AFF3: variants seen among roughly 807,000 people sequenced by gnomAD.
The protein encoded by AFF3 is AF4/FMR2 family member 3.
Under a neutral mutation model 129.7 loss-of-function variants are expected in AFF3, and 32 were observed. The ratio of observed to expected loss-of-function variants is 0.25; its 90% CI spans 0.19 to 0.33. AFF3 has a LOEUF of 0.33. Among genes scored for constraint, AFF3 ranks in the 10% least tolerant of loss-of-function variants. The probability of loss-of-function intolerance (pLI) is 1.00; values close to 1 mark genes in which losing one functional copy is unlikely to be tolerated. For synonymous variants in AFF3, 644 were observed against 635.4 expected, an observed-to-expected ratio of 1.01 and a Z score of -0.20; for missense variants, 1,373 against 1,592.0, an observed-to-expected ratio of 0.86 and a Z score of 2.34.
chr2:99,997,486 A>C (rs76278180), intron 7 of AFF3, among the ~76,000 whole-genome samples: 7 of 128,826 alleles, frequency 5.4e-5, no homozygotes, highest in Admixed American at 8.3e-5. Flanking sequence ...CCCCCCCCCC[A>C]GATTAGCACA....
intron 7 of AFF3, among the ~76,000 whole-genome samples, chr2:99,868,017 CTTT>C (rs397779127): frequency 6.9e-6 from 1 of 144,054 alleles, no homozygotes. Flanking sequence ...TCTTTCTTTC[CTTT>C]TTTTTTTTTT....
At chr2:99,824,412 G>A (rs556582006) in intron 8 of AFF3, among the ~76,000 whole-genome samples, 1 of 152,118 alleles carries the variant, frequency 6.6e-6, no homozygotes. Context: ...ACAGCACCCA[G>A]CCCAAAATCC....
chr2:99,551,645 T>C (rs987538624), intron 24 of AFF3, 50 bp from the exon 25 acceptor site: 1 of 1,608,440 alleles, frequency 6.2e-7, no homozygotes. Flanking sequence ...CTAGGTGTGC[T>C]ATCCTGAGCA....
chr2:99,619,668 A>T (rs748075271), intron 13 of AFF3, among the ~76,000 whole-genome samples: 4 of 152,154 alleles, frequency 2.6e-5, no homozygotes, highest in Non-Finnish European at 5.9e-5. Flanking sequence ...CTTACCAAGG[A>T]CTTGGGCTCT....
chr2:99,831,288 A>G (rs890721390), intron 8 of AFF3, among the ~76,000 whole-genome samples: 1 of 152,248 alleles, frequency 6.6e-6, no homozygotes, highest in African/African-American at 2.4e-5. Context: ...AATAACTATA[A>G]AAGTAATCTT....
intron 13 of AFF3, among the ~76,000 whole-genome samples, chr2:99,609,764 G>A (rs1043181308): frequency 4.6e-5 from 7 of 152,264 alleles, no homozygotes; most frequent in Admixed American, 4.6e-4. Flanking sequence ...TAAATCTTAT[G>A]TAACTACAGT....
rs566738685 is a variant in AFF3, at chr2:99,878,286, T to C, written c.874-40762A>G. Among the ~76,000 whole-genome samples the C allele has an allele frequency of 1.7e-4, 26 of 152,292 alleles. No individual in the cohort carries two copies. In the South Asian group the frequency reaches 4.6e-3, roughly 27 times the overall value. ...TTCTTTTGGTTGAATGTTAAGTGGC[T>C]AAATTACAACTTTGGGGAGAAACAG... On this transcript the variant is annotated intron_variant, in intron 7 of 24. Transcript: ENST00000672756.
At chr2:99,989,707 G>C (rs560202142) in intron 7 of AFF3, among the ~76,000 whole-genome samples, 3 of 152,094 alleles carry the variant, frequency 2.0e-5, no homozygotes, top group Admixed American at 6.5e-5. Context: ...GACCCTGAGA[G>C]GTCCATCTGT....
chr2:99,872,572 C>T (rs547617154), intron 7 of AFF3, among the ~76,000 whole-genome samples: 2 of 144,886 alleles, frequency 1.4e-5, no homozygotes, highest in Admixed American at 1.4e-4. Context: ...CCAATGAAGT[C>T]CTATGCAAAA....
At chr2:99,642,509 T>G (rs531640846) in intron 13 of AFF3, among the ~76,000 whole-genome samples, 1 of 152,216 alleles carries the variant, frequency 6.6e-6, no homozygotes, top group African/African-American at 2.4e-5. Context: ...TTATTTCCTC[T>G]TTTAAGCCCA....
intron 13 of AFF3, among the ~76,000 whole-genome samples, chr2:99,626,877 T>G (rs1234115622): frequency 6.6e-6 from 1 of 152,208 alleles, no homozygotes; most frequent in Non-Finnish European, 1.5e-5. Context: ...GGATTCCTGC[T>G]ACATCCATGT....
intron 13 of AFF3, among the ~76,000 whole-genome samples, chr2:99,604,272 C>A (rs1197868484): frequency 2.0e-5 from 3 of 152,138 alleles, no homozygotes; most frequent in Non-Finnish European, 4.4e-5. Context: ...TACACATATA[C>A]CATGAAATAC....
intron 12 of AFF3, among the ~76,000 whole-genome samples, chr2:99,657,396 T>C (rs1465009996): frequency 1.3e-5 from 2 of 152,208 alleles, no homozygotes; most frequent in Non-Finnish European, 2.9e-5. Flanking sequence ...CTAGTCATTT[T>C]TGGGGAGTAT....
chr2:99,889,305 C>T (rs1487314315), intron 7 of AFF3, among the ~76,000 whole-genome samples: 6 of 152,188 alleles, frequency 3.9e-5, no homozygotes, highest in Non-Finnish European at 7.3e-5. Context: ...ACTGACTCCA[C>T]ACAGATTTCT....
intron 13 of AFF3, among the ~76,000 whole-genome samples, chr2:99,628,492 G>C (rs546130401): frequency 6.6e-6 from 1 of 151,982 alleles, no homozygotes; most frequent in Non-Finnish European, 1.5e-5. Context: ...ATACAGGATC[G>C]TGTCATCTGC....
chr2:99,823,243 G>A (rs1208506386), intron 8 of AFF3, among the ~76,000 whole-genome samples: 1 of 152,008 alleles, frequency 6.6e-6, no homozygotes, highest in Non-Finnish European at 1.5e-5. Context: ...TATTTTAAAA[G>A]CCTATCCTTC....
chr2:99,833,529 C>T (rs1239019776), intron 8 of AFF3, among the ~76,000 whole-genome samples: 1 of 152,112 alleles, frequency 6.6e-6, no homozygotes, highest in Non-Finnish European at 1.5e-5. Flanking sequence ...AAGTCCAAAC[C>T]AGAATCTCAA....
intron 8 of AFF3, among the ~76,000 whole-genome samples, chr2:99,776,241 A>C (rs1177719696): frequency 6.6e-6 from 1 of 152,204 alleles, no homozygotes; most frequent in Non-Finnish European, 1.5e-5. Context: ...AGTCAAAATT[A>C]TTTTGGGCAA....
At chr2:99,918,145 G>A (rs1037479989) in intron 7 of AFF3, among the ~76,000 whole-genome samples, 1 of 152,060 alleles carries the variant, frequency 6.6e-6, no homozygotes, top group Non-Finnish European at 1.5e-5. Context: ...TTTACTGGTT[G>A]CAGTTACAAA....
Sources: gnomAD v4.1 joint callset for allele counts (sites outside exome capture counted in the v4.1 genomes callset) on GRCh38, gnomAD v4.1.1 for gene constraint, MANE v1.5 for transcripts, NCBI Gene and HGNC (gene_info 2026-07-23, HGNC 2026-07-21) for gene names.